The following NLRP11 variants were observed in gnomAD, a reference collection of about 807,000 sequenced individuals.
NLRP11 encodes NLR family pyrin domain containing 11.
A neutral mutation model predicts 79.3 loss-of-function variants in NLRP11; 53 were observed. The observed-to-expected ratio is 0.67, with a 90% CI of 0.54 to 0.84. NLRP11 has a LOEUF of 0.84. Ranked by LOEUF, NLRP11 falls within the 40% of genes least tolerant of loss-of-function variation. The probability of loss-of-function intolerance (pLI) is 0.00; values close to 1 mark genes in which losing one functional copy is unlikely to be tolerated. For synonymous variants in NLRP11, 518 were observed against 462.6 expected (o/e 1.12, Z -1.54); for missense variants, 1,264 against 1,255.0 (o/e 1.01, Z -0.11).
chr19:55,814,446 G>A (rs796596864), intron 2 of NLRP11, among the ~76,000 whole-genome samples: 21 of 152,116 alleles, frequency 1.4e-4, no homozygotes, highest in South Asian at 8.3e-4. Flanking sequence ...ATTGTCTTCC[G>A]TGAAACTGGT....
chr19:55,813,270 G>T (rs761122198), intron 2 of NLRP11, among the ~76,000 whole-genome samples: 13 of 152,198 alleles, frequency 8.5e-5, no homozygotes, highest in Admixed American at 3.3e-4. Context: ...AGAGGTTGCA[G>T]TGAGCCAAGA....
chr19:55,811,018 G>T (rs529462569), intron 2 of NLRP11, among the ~76,000 whole-genome samples: 1 of 152,020 alleles, frequency 6.6e-6, no homozygotes. Context: ...GCAATAACTC[G>T]AGTTCAGGGA....
At chr19:55,805,066 A>C (rs1979856423) in intron 4 of NLRP11, among the ~76,000 whole-genome samples, 2 of 152,108 alleles carry the variant, frequency 1.3e-5, no homozygotes, top group South Asian at 4.2e-4. Context: ...TGACTCAAAA[A>C]ATAATAACAA....
chr19:55,807,821 A>C (rs201716300), intron 4 of NLRP11, 32 bp downstream of exon 4: 1 of 1,472,554 alleles, frequency 6.8e-7, no homozygotes, highest in Non-Finnish European at 9.3e-7. Flanking sequence ...TCCTAGGGGA[A>C]CCTCTAAGGC....
chr19:55,819,444 A>G (rs1981473013), intron 1 of NLRP11, among the ~76,000 whole-genome samples: 1 of 152,194 alleles, frequency 6.6e-6, no homozygotes, highest in Non-Finnish European at 1.5e-5. Flanking sequence ...TAATCCTGGT[A>G]TCATTACACT....
At chr19:55,818,331 GCTC>G (rs1981348026) in intron 1 of NLRP11, 95 bp from the exon 2 acceptor site, 2 of 630,192 alleles carry the variant, frequency 3.2e-6, no homozygotes, top group African/African-American at 3.7e-5. Context: ...TGTGATAGAA[GCTC>G]CTTTCTGATA....
chr19:55,792,034 C>CA (rs1555801319), intron 7 of NLRP11, among the ~76,000 whole-genome samples: 1 of 151,916 alleles, frequency 6.6e-6, no homozygotes, highest in Non-Finnish European at 1.5e-5. Context: ...TATGTCCACC[C>CA]GGGGCAGGGG....
intron 8 of NLRP11, 87 bp from the exon 9 acceptor site, chr19:55,789,064 ATCCC>A: frequency 6.7e-7 from 1 of 1,500,464 alleles, no homozygotes; most frequent in Non-Finnish European, 9.2e-7. Flanking sequence ...CATCTACTAG[ATCCC>A]TCCAAGTTTT....
At chr19:55,831,716 C>G (rs745453790) in intron 1 of NLRP11, among the ~76,000 whole-genome samples, 16 of 151,424 alleles carry the variant, frequency 1.1e-4, no homozygotes, top group African/African-American at 3.4e-4. Context: ...GCTGCACACA[C>G]TACATGCAAT....
At chr19:55,810,800 T>C (rs1980534576) in intron 2 of NLRP11, among the ~76,000 whole-genome samples, 1 of 152,178 alleles carries the variant, frequency 6.6e-6, no homozygotes, top group Admixed American at 6.5e-5. Flanking sequence ...GCCCGGCCCA[T>C]ATTGCTTTAA....
intron 7 of NLRP11, 84 bp from the exon 8 acceptor site, chr19:55,789,483 G>T (rs950177692): frequency 4.0e-5 from 51 of 1,265,144 alleles, no homozygotes; most frequent in Non-Finnish European, 5.3e-5. Context: ...TCTTGGACCC[G>T]TCTTGTGACA....
rs117481452 is a variant in NLRP11, at chr19:55,816,054, G to A, written c.271+1850C>T. On this transcript the variant is annotated intron_variant, in intron 2 of 9. Coordinates refer to ENST00000589093, the Ensembl canonical transcript of NLRP11. ...AAGACATGCTATACTATTTAATTGG[G>A]AAGATACGAGTTTAACCAAGTAAAT... Among the ~76,000 whole-genome samples the A allele has an allele frequency of 2.0e-4, 31 of 152,270 alleles. 1 individual carries two copies. The East Asian group carries it at 6.0e-3, about 29-fold the overall frequency.
At chr19:55,830,991 G>A (rs1020261977) in intron 1 of NLRP11, among the ~76,000 whole-genome samples, 2 of 152,008 alleles carry the variant, frequency 1.3e-5, no homozygotes, top group East Asian at 1.9e-4. Flanking sequence ...AGACTTTGGA[G>A]GTTGGGCCCA....
Position 55,788,568 on chromosome 19 carries a change from G to A in NLRP11, c.2855+239C>T, listed in dbSNP as rs183397764. On this transcript the variant is annotated intron_variant, in intron 9 of 9. Transcript: ENST00000589093. ...ACCCTGGCCAACATGGTGAAACCCC[G>A]TCTCTACTAAAAATAGAAAAAATTA... Among the ~76,000 whole-genome samples the A allele has an allele frequency of 2.4e-4, 37 of 151,228 alleles. 1 individual carries two copies. The East Asian group carries it at 5.5e-3, about 22-fold the overall frequency.
At chr19:55,787,720 T>C (rs1989969066) in intron 9 of NLRP11, among the ~76,000 whole-genome samples, 1 of 152,222 alleles carries the variant, frequency 6.6e-6, no homozygotes, top group South Asian at 2.1e-4. Context: ...TCTGCCTTGC[T>C]AACAAACTCT....
chr19:55,815,606 CAT>C (rs1324413708), intron 2 of NLRP11, among the ~76,000 whole-genome samples: 2 of 149,642 alleles, frequency 1.3e-5, no homozygotes, highest in African/African-American at 4.9e-5. Context: ...TTTCTCCAAA[CAT>C]ATTCAGTGCC....
At position 55,814,055 on chromosome 19, in the gene NLRP11, T is replaced by G. The variant is rs562895567; in HGVS notation, c.272-3717A>C. ...CAGCCGATGGTGAGTGGTGAGTGAC[T>G]GAGCACTCCTCTGTATTTACAGCCG... is the stretch of plus-strand genomic sequence containing the variant. On this transcript the variant is annotated intron_variant, in intron 2 of 9. Transcript: ENST00000589093. Among the ~76,000 whole-genome samples, 93 of 152,274 alleles carry G rather than the reference T, an allele frequency of 6.1e-4. 2 individuals are homozygous for G. Among genetic ancestry groups the G allele is most frequent in the South Asian group, 5.8e-3 (28 of 4,816 alleles).
intron 6 of NLRP11, among the ~76,000 whole-genome samples, chr19:55,795,638 C>G (rs914905776): frequency 6.6e-6 from 1 of 152,122 alleles, no homozygotes; most frequent in African/African-American, 2.4e-5. Flanking sequence ...TACAGGTACC[C>G]GCCACCACGC....
intron 8 of NLRP11, 94 bp from the exon 9 acceptor site, chr19:55,789,071 C>CA: frequency 6.7e-7 from 1 of 1,486,508 alleles, no homozygotes; most frequent in Non-Finnish European, 9.2e-7. Flanking sequence ...TAGATCCCTC[C>CA]AAGTTTTGGG....
Sources: allele counts gnomAD v4.1 joint callset (sites outside exome capture counted in the v4.1 genomes callset), GRCh38; gene constraint gnomAD v4.1.1; transcripts MANE v1.5; gene names NCBI Gene and HGNC (gene_info 2026-07-23, HGNC 2026-07-21).